The following CDH10 variants were observed in gnomAD, a reference collection of about 807,000 sequenced individuals.
The protein encoded by CDH10 is cadherin 10.
Under a neutral mutation model 73.1 loss-of-function variants are expected in CDH10, and 30 were observed. The observed-to-expected ratio is 0.41, with a 90% CI of 0.31 to 0.56. The LOEUF (loss-of-function observed/expected upper bound fraction) is 0.56, where lower values mean the gene tolerates loss of function less well. CDH10 is among the 20% of genes least tolerant of loss of function. CDH10 has a pLI of 0.27. For synonymous variants in CDH10, 345 were observed against 348.2 expected, an observed-to-expected ratio of 0.99 and a Z score of 0.10; for missense variants, 815 against 973.7, an observed-to-expected ratio of 0.84 and a Z score of 2.17.
chr5:24,584,810 T>C (rs1326308586), intron 2 of CDH10, among the ~76,000 whole-genome samples: 1 of 151,672 alleles, frequency 6.6e-6, no homozygotes, highest in Non-Finnish European at 1.5e-5. Context: ...TTATCTTACC[T>C]TTCTGGTTGT....
chr5:24,526,473 C>G (rs1436467101), intron 5 of CDH10, among the ~76,000 whole-genome samples: 1 of 151,870 alleles, frequency 6.6e-6, no homozygotes, highest in Non-Finnish European at 1.5e-5. Flanking sequence ...CTGTATTTCA[C>G]TAGCTACTAG....
intron 1 of CDH10, chr5:24,613,049 T>G (rs575895961): frequency 1.3e-5 from 2 of 152,224 alleles, no homozygotes; most frequent in Non-Finnish European, 2.9e-5. Context: ...TGTCATTATC[T>G]AGGATAATTC....
At chr5:24,571,084 T>C (rs1745365465) in intron 2 of CDH10, among the ~76,000 whole-genome samples, 1 of 152,142 alleles carries the variant, frequency 6.6e-6, no homozygotes, top group African/African-American at 2.4e-5. Flanking sequence ...CAATGGAATT[T>C]TCTGTCAGTG....
In CDH10 at chr5:24,509,559, C is replaced by T. The variant is rs760636850; in HGVS notation, c.1256+7G>A. ...CGGCTGTTTTCATTTTTAAAAGGCA[C>T]ACTTACCTAATGGGGCTGGAAATAG... On this transcript the variant is annotated splice_region_variant and intron_variant, in intron 7 of 11. Coordinates refer to ENST00000264463, the MANE Select transcript of CDH10 (RefSeq NM_006727.5). The T allele has an allele frequency of 1.6e-5, 26 of 1,613,062 alleles. No homozygotes were observed. The Admixed American group carries it at 4.3e-4, about 27-fold the overall frequency.
chr5:24,598,105 T>C (rs1746432807), intron 1 of CDH10, among the ~76,000 whole-genome samples: 1 of 152,056 alleles, frequency 6.6e-6, no homozygotes, highest in South Asian at 2.1e-4. Context: ...GATGTGTTTA[T>C]ACAATTAAAA....
chr5:24,605,703 C>G (rs1397725471), intron 1 of CDH10, among the ~76,000 whole-genome samples: 1 of 152,174 alleles, frequency 6.6e-6, no homozygotes, highest in Non-Finnish European at 1.5e-5. Context: ...ATACAATATT[C>G]CTACCCTAGG....
intron 2 of CDH10, 23 bp downstream of exon 2, chr5:24,593,237 G>T: frequency 1.6e-6 from 2 of 1,281,224 alleles, no homozygotes; most frequent in South Asian, 1.2e-5. Flanking sequence ...ATATAAACAC[G>T]TGCCATTTTA....
At chr5:24,519,962 G>A (rs757093695) in intron 5 of CDH10, among the ~76,000 whole-genome samples, 31 of 152,306 alleles carry the variant, frequency 2.0e-4, no homozygotes, top group Non-Finnish European at 3.4e-4. Flanking sequence ...GCTTGTAGCT[G>A]TATCACTACC....
chr5:24,584,481 A>AGG (rs1337615336), intron 2 of CDH10, among the ~76,000 whole-genome samples: 1 of 108,336 alleles, frequency 9.2e-6, no homozygotes, highest in Non-Finnish European at 1.7e-5. Flanking sequence ...TGTGTGAGAG[A>AGG]GAGAGAGAGA....
intron 1 of CDH10, among the ~76,000 whole-genome samples, chr5:24,621,037 C>T (rs1747299313): frequency 6.6e-6 from 1 of 152,166 alleles, no homozygotes; most frequent in African/African-American, 2.4e-5. Context: ...ATATATCTGC[C>T]AGCATGCAGC....
At chr5:24,599,910 T>C (rs754516939) in intron 1 of CDH10, among the ~76,000 whole-genome samples, 3 of 152,142 alleles carry the variant, frequency 2.0e-5, no homozygotes, top group African/African-American at 7.2e-5. Context: ...GCCCGTCTTA[T>C]CTCTATGTGT....
chr5:24,561,439 A>T (rs542870623), intron 2 of CDH10, among the ~76,000 whole-genome samples: 155 of 152,268 alleles, frequency 1.0e-3, no homozygotes, highest in African/African-American at 3.6e-3. Flanking sequence ...AGTTTCTAGC[A>T]ATGTTACAGT....
chr5:24,521,571 C>A (rs1270127057), intron 5 of CDH10, among the ~76,000 whole-genome samples: 1 of 151,632 alleles, frequency 6.6e-6, no homozygotes, highest in African/African-American at 2.4e-5. Context: ...GAGATAGTGC[C>A]ATTGCACTCG....
At chr5:24,559,739 A>C (rs1280763459) in intron 2 of CDH10, among the ~76,000 whole-genome samples, 4 of 152,216 alleles carry the variant, frequency 2.6e-5, no homozygotes, top group African/African-American at 7.2e-5. Context: ...TTGAAAGAAA[A>C]GGCCAAGTTT....
chr5:24,606,184 A>G lies in CDH10; in HGVS notation c.-123-12571T>C, dbSNP rs113145361. 9.8e-3 allele frequency among the ~76,000 whole-genome samples: 1,491 copies of G among 152,322 alleles called. 25 individuals are homozygous for G. The highest frequency in any genetic ancestry group is 0.034 in the African/African-American group (1,420 of 41,568). ...AAATTCATAGAACTTTACCCTAGAA[A>G]GGATGAATTTTACTATCTGTAAATT... On this transcript the variant is annotated intron_variant, in intron 1 of 11. Transcript: ENST00000264463.
chr5:24,564,553 T>A (rs1260933853), intron 2 of CDH10, among the ~76,000 whole-genome samples: 1 of 152,138 alleles, frequency 6.6e-6, no homozygotes, highest in African/African-American at 2.4e-5. Flanking sequence ...CCTCTGCCCC[T>A]ACAGGGGTTG....
chr5:24,581,863 C>T (rs1009194056), intron 2 of CDH10, among the ~76,000 whole-genome samples: 2 of 151,914 alleles, frequency 1.3e-5, no homozygotes, highest in African/African-American at 2.4e-5. Flanking sequence ...AAAAAGTAAA[C>T]GTTTTGATCT....
intron 1 of CDH10, among the ~76,000 whole-genome samples, chr5:24,627,365 C>A (rs1398208108): frequency 6.6e-6 from 1 of 151,828 alleles, no homozygotes; most frequent in Non-Finnish European, 1.5e-5. Context: ...AATTTTAGGG[C>A]AATTTTCTCT....
At chr5:24,541,696 T>G (rs1744165315) in intron 2 of CDH10, among the ~76,000 whole-genome samples, 1 of 152,114 alleles carries the variant, frequency 6.6e-6, no homozygotes, top group Non-Finnish European at 1.5e-5. Flanking sequence ...TTTTAGTTCC[T>G]CAGTAACACC....
Sources: allele counts gnomAD v4.1 joint callset (sites outside exome capture counted in the v4.1 genomes callset), GRCh38; gene constraint gnomAD v4.1.1; transcripts MANE v1.5; gene names NCBI Gene and HGNC (gene_info 2026-07-23, HGNC 2026-07-21).